The following SMCO2 variants were observed in gnomAD, a reference collection of about 807,000 sequenced individuals.
SMCO2 encodes the protein single-pass membrane protein with coiled-coil domains 2.
In SMCO2, 25 loss-of-function variants were observed where a neutral mutation model predicts 29.5. That is an observed-to-expected ratio of 0.85 (90% CI 0.62 to 1.18). SMCO2 has a LOEUF of 1.18. SMCO2 is among the 50% of genes most tolerant of loss of function. The probability of loss-of-function intolerance (pLI) is 0.00; values close to 1 mark genes in which losing one functional copy is unlikely to be tolerated. For missense variants in SMCO2, 348 were observed against 344.5 expected, an observed-to-expected ratio of 1.01 and a Z score of -0.08; for synonymous variants, 117 against 123.3, an observed-to-expected ratio of 0.95 and a Z score of 0.34.
intron 4 of SMCO2, among the ~76,000 whole-genome samples, chr12:27,480,711 CT>C (rs1565677921): frequency 1.1e-4 from 16 of 145,372 alleles, no homozygotes; most frequent in African/African-American, 3.3e-4. Context: ...TCCCCCCCCT[CT>C]CTCTCTCTTG....
At chr12:27,493,263 T>C (rs150141275) in intron 5 of SMCO2, among the ~76,000 whole-genome samples, 1,941 of 152,210 alleles carry the variant, frequency 0.013, 31 homozygotes, top group Non-Finnish European at 0.015. Flanking sequence ...AAATAATCTG[T>C]ACAGCAAACC....
chr12:27,460,325 G>A, the SMCO2 span, among the ~76,000 whole-genome samples: 5 of 152,116 alleles, frequency 3.3e-5, no homozygotes, highest in Admixed American at 2.6e-4. Flanking sequence ...TATAACTTTC[G>A]ACTCCCCAAA....
At position 27,498,405 on chromosome 12, in the gene SMCO2, T is replaced by A. The variant is rs562024452; in HGVS notation, c.683+2550T>A. On this transcript the variant is annotated intron_variant, in intron 7 of 7. Transcript: ENST00000298876. Reference sequence around the variant, plus strand: ...GATGACTTACTTCTGGTTCTTGTGGTTCTATATATGAGCTGGCAGCTACTT... The same window carrying A: ...GATGACTTACTTCTGGTTCTTGTGGATCTATATATGAGCTGGCAGCTACTT... The A allele has an allele frequency of 1.3e-4, 29 of 218,500 alleles. No individual in the cohort carries two copies. In the South Asian group the frequency reaches 2.4e-3, roughly 18 times the overall value. 13.5% of individuals were successfully genotyped at this position (218,500 alleles called of 1,614,324 possible). A position where few individuals can be genotyped will look rare whatever the true frequency, so the allele number is the denominator to read the frequency against.
chr12:27,502,059 G>T, exon 8 of SMCO2: 1 of 1,547,258 alleles, frequency 6.5e-7, no homozygotes, highest in Non-Finnish European at 8.7e-7. Flanking sequence ...CACCACATGG[G>T]ACCTACGGGA....
At chr12:27,462,928 A>G (rs1272727397), upstream of SMCO2, among the ~76,000 whole-genome samples, 5 of 152,106 alleles carry the variant, frequency 3.3e-5, no homozygotes, top group African/African-American at 1.2e-4. Context: ...GGGATCCCAT[A>G]TCCTTCTTAA....
chr12:27,496,374 ATC>A (rs1943003068), intron 7 of SMCO2, among the ~76,000 whole-genome samples: 1 of 150,734 alleles, frequency 6.6e-6, no homozygotes, highest in South Asian at 2.1e-4. Flanking sequence ...ATTTATTTCT[ATC>A]TACATATCTA....
chr12:27,502,148 T>C lies in SMCO2; in HGVS notation c.*27T>C. On this transcript the variant is annotated 3_prime_UTR_variant, in exon 8 of 8. Transcript: ENST00000298876. ...GATACAGAAGTTACTGTCACCCTACTGACTTTCTCACCAGTAAACATTGTG... is the reference window on the plus strand; with the variant it reads ...GATACAGAAGTTACTGTCACCCTACCGACTTTCTCACCAGTAAACATTGTG... 1.4e-6 allele frequency: 2 copies of C among 1,465,600 alleles called. 1 individual carries two copies. Among genetic ancestry groups the C allele is most frequent in the Non-Finnish European group, 1.8e-6 (2 of 1,105,562 alleles). The allele number at this position is 1,465,600 out of a possible 1,614,324, so 90.8% of individuals were successfully genotyped here. A position where few individuals can be genotyped will look rare whatever the true frequency, so the allele number is the denominator to read the frequency against.
chr12:27,493,016 G>T (rs1942947337), intron 5 of SMCO2, among the ~76,000 whole-genome samples: 2 of 152,302 alleles, frequency 1.3e-5, no homozygotes, highest in South Asian at 4.1e-4. Flanking sequence ...AAAAGAACGA[G>T]ATCATGTCTT....
intron 4 of SMCO2, 70 bp downstream of exon 5, chr12:27,475,801 T>A: frequency 7.4e-7 from 1 of 1,354,498 alleles, no homozygotes; most frequent in Non-Finnish European, 9.6e-7. Flanking sequence ...TTTAAGAAAC[T>A]TTGGGCTTAA....
At chr12:27,496,045 T>C (rs956487323) in intron 7 of SMCO2, among the ~76,000 whole-genome samples, 190 bp downstream of exon 8, 1 of 150,542 alleles carries the variant, frequency 6.6e-6, no homozygotes, top group Non-Finnish European at 1.5e-5. Flanking sequence ...GATAAAGATC[T>C]ATTGCATTCG....
the SMCO2 span, among the ~76,000 whole-genome samples, chr12:27,434,283 G>C: frequency 6.6e-6 from 1 of 152,106 alleles, no homozygotes; most frequent in East Asian, 1.9e-4. Context: ...CTGAATATGG[G>C]GCCCAGAAAC....
intron 4 of SMCO2, among the ~76,000 whole-genome samples, chr12:27,486,364 G>T (rs1592213859): frequency 6.6e-6 from 1 of 152,098 alleles, no homozygotes; most frequent in Non-Finnish European, 1.5e-5. Context: ...CCCTTTCTCT[G>T]ACTTGAAGTC....
At chr12:27,459,707 T>A in the SMCO2 span, among the ~76,000 whole-genome samples, 1 of 152,176 alleles carries the variant, frequency 6.6e-6, no homozygotes, top group Non-Finnish European at 1.5e-5. Flanking sequence ...CCCAATGGGG[T>A]ATCATTTAGG....
intron 6 of SMCO2, 26 bp from the exon 8 acceptor site, chr12:27,495,654 G>A (rs981687661): frequency 2.8e-6 from 4 of 1,430,434 alleles, no homozygotes; most frequent in South Asian, 3.1e-5. Flanking sequence ...ATTTTTTTAA[G>A]GTACTTGATT....
At chr12:27,426,536 TA>T in the SMCO2 span, among the ~76,000 whole-genome samples, 49 of 152,326 alleles carry the variant, frequency 3.2e-4, no homozygotes, top group African/African-American at 1.2e-3. Flanking sequence ...TAGTGAGGAT[TA>T]AATTAGCTTA....
At chr12:27,500,511 T>G (rs1458814686) in intron 7 of SMCO2, among the ~76,000 whole-genome samples, 1 of 150,858 alleles carries the variant, frequency 6.6e-6, no homozygotes, top group Non-Finnish European at 1.5e-5. Context: ...TTTAGAAAAT[T>G]TGTTTTACTT....
intron 4 of SMCO2, 35 bp from the exon 5 acceptor site, chr12:27,475,547 C>G: frequency 6.7e-7 from 1 of 1,497,206 alleles, no homozygotes; most frequent in Non-Finnish European, 8.9e-7. Flanking sequence ...TTCCCATTTT[C>G]TGCTTTGAAA....
intron 2 of SMCO2, among the ~76,000 whole-genome samples, chr12:27,471,473 C>T (rs1195525562): frequency 6.6e-6 from 1 of 152,084 alleles, no homozygotes; most frequent in African/African-American, 2.4e-5. Flanking sequence ...GGTTCAAATC[C>T]CATAGACTTG....
chr12:27,481,708 T>C (rs1239718219), intron 4 of SMCO2, among the ~76,000 whole-genome samples: 2 of 152,214 alleles, frequency 1.3e-5, no homozygotes, highest in Non-Finnish European at 2.9e-5. Flanking sequence ...TCAGGATATA[T>C]TGCTAAAGAT....
Sources: gnomAD v4.1 joint callset for allele counts (sites outside exome capture counted in the v4.1 genomes callset) on GRCh38, gnomAD v4.1.1 for gene constraint, MANE v1.5 for transcripts, NCBI Gene and HGNC (gene_info 2026-07-23, HGNC 2026-07-21) for gene names.